The following GNAZ variants were observed in gnomAD, a reference collection of about 807,000 sequenced individuals.
GNAZ encodes guanine nucleotide-binding protein G(z) subunit alpha.
A neutral mutation model predicts 25.4 loss-of-function variants in GNAZ; 3 were observed. The observed-to-expected ratio is 0.12, with a 90% confidence interval of 0.05 to 0.30. The LOEUF is 0.30. Ranked by LOEUF, GNAZ falls within the 10% of genes least tolerant of loss-of-function variation. The pLI, the probability that GNAZ is intolerant of heterozygous loss-of-function variation, is 1.00. For missense variants in GNAZ, 241 were observed against 501.8 expected (o/e 0.48, Z 4.97); for synonymous variants, 211 against 205.7 (o/e 1.03, Z -0.22).
intron 1 of GNAZ, among the ~76,000 whole-genome samples, chr22:23,070,983 C>G (rs1347956709): frequency 1.3e-5 from 2 of 152,028 alleles, no homozygotes; most frequent in African/African-American, 4.8e-5. Flanking sequence ...GGGGGAGGAT[C>G]AGGGAGGGGC....
intron 2 of GNAZ, 81 bp from the exon 3 acceptor site, chr22:23,123,006 T>C: frequency 1.1e-6 from 1 of 920,660 alleles, no homozygotes; most frequent in Non-Finnish European, 1.7e-6. Flanking sequence ...TAGCAAAGGC[T>C]TCCTCTGGCA....
Position 23,095,633 on chromosome 22 carries a change from C to G in GNAZ, c.-63C>G. The G allele has an allele frequency of 6.5e-7, 1 of 1,534,568 alleles. No homozygotes were observed. The highest frequency in any genetic ancestry group is 1.3e-5 in the South Asian group (1 of 76,734). ...CTTGTCTGCCTGGTCTCAGTGTCCC[C>G]TGTGGCAAGAGGGAGAGGTGCCCCA... On this transcript the variant is annotated 5_prime_UTR_variant, in exon 2 of 3. Coordinates refer to ENST00000615612, the MANE Select transcript of GNAZ (RefSeq NM_002073.4).
At chr22:23,087,859 T>C (rs1347083811) in intron 1 of GNAZ, among the ~76,000 whole-genome samples, 1 of 152,200 alleles carries the variant, frequency 6.6e-6, no homozygotes, top group East Asian at 1.9e-4. Context: ...CAAGCACTGA[T>C]CTCAAGAGCA....
chr22:23,085,786 AG>A (rs1015593744), intron 1 of GNAZ, among the ~76,000 whole-genome samples: 1 of 152,214 alleles, frequency 6.6e-6, no homozygotes, highest in African/African-American at 2.4e-5. Context: ...GGGACAGAGC[AG>A]GGGGCTGCAA....
chr22:23,085,932 G>A (rs1248778478), intron 1 of GNAZ, among the ~76,000 whole-genome samples: 1 of 152,228 alleles, frequency 6.6e-6, no homozygotes, highest in Admixed American at 6.5e-5. Context: ...TGGTGCCAAC[G>A]TGGCTCTCAC....
intron 2 of GNAZ, among the ~76,000 whole-genome samples, chr22:23,097,742 G>A: frequency 6.6e-6 from 1 of 152,280 alleles, no homozygotes; most frequent in East Asian, 1.9e-4. Flanking sequence ...AGGCTCCCTT[G>A]ATGAGGCATG....
chr22:23,075,341 C>T (rs1280070665), intron 1 of GNAZ, among the ~76,000 whole-genome samples: 1 of 152,218 alleles, frequency 6.6e-6, no homozygotes, highest in South Asian at 2.1e-4. Context: ...AGGCAATTGC[C>T]TGCTGCAATT....
chr22:23,091,186 A>G (rs961981975), intron 1 of GNAZ, among the ~76,000 whole-genome samples: 2 of 152,228 alleles, frequency 1.3e-5, no homozygotes, highest in African/African-American at 4.8e-5. Flanking sequence ...ACCTGCTCAC[A>G]GACATGTACA....
chr22:23,106,816 C>A (rs375200948), intron 2 of GNAZ, among the ~76,000 whole-genome samples: 1 of 152,258 alleles, frequency 6.6e-6, no homozygotes, highest in Admixed American at 6.5e-5. Context: ...GAAAAGTTGT[C>A]CCTGTGGCAA....
At chr22:23,116,382 G>A (rs987025069) in intron 2 of GNAZ, among the ~76,000 whole-genome samples, 3 of 152,384 alleles carry the variant, frequency 2.0e-5, no homozygotes, top group Non-Finnish European at 4.4e-5. Context: ...ACGTGGCTAC[G>A]CGCCTGTGAC....
intron 1 of GNAZ, among the ~76,000 whole-genome samples, chr22:23,087,931 T>G (rs2146292709): frequency 6.6e-6 from 1 of 152,334 alleles, no homozygotes; most frequent in East Asian, 1.9e-4. Context: ...TAATTTCTAA[T>G]CTTGTGGCTA....
intron 1 of GNAZ, among the ~76,000 whole-genome samples, chr22:23,079,961 A>G (rs1412068495): frequency 6.6e-6 from 1 of 152,186 alleles, no homozygotes; most frequent in African/African-American, 2.4e-5. Flanking sequence ...CAGGGCCTCA[A>G]AGACCCAGAA....
intron 2 of GNAZ, among the ~76,000 whole-genome samples, chr22:23,107,049 C>A (rs537462587): frequency 1.4e-4 from 21 of 152,386 alleles, no homozygotes; most frequent in African/African-American, 4.1e-4. Flanking sequence ...AGGTTCAGAG[C>A]AAGGGCTTTT....
chr22:23,111,708 C>G (rs2069664871), intron 2 of GNAZ, among the ~76,000 whole-genome samples: 1 of 152,234 alleles, frequency 6.6e-6, no homozygotes, highest in Non-Finnish European at 1.5e-5. Flanking sequence ...TTTCAGAACA[C>G]AAGACAGCCA....
chr22:23,096,118 C>T lies in GNAZ; in HGVS notation c.423C>T (p.Phe141=). Residue 141 remains phenylalanine, a synonymous_variant, in exon 2 of 3, where the codon TTC becomes TTT. Coordinates refer to ENST00000615612, the MANE Select transcript of GNAZ (RefSeq NM_002073.4). The part of the protein sequence containing the change: ...LWADPGAQAC[F]SRSSEYHLED... ...CCGACCCAGGGGCACAGGCCTGCTTCAGCCGCTCCAGCGAGTACCACCTGG... is the reference window on the plus strand; with the variant it reads ...CCGACCCAGGGGCACAGGCCTGCTTTAGCCGCTCCAGCGAGTACCACCTGG... The T allele has an allele frequency of 3.7e-6, 6 of 1,611,720 alleles. No individual in the cohort carries two copies. The highest frequency in any genetic ancestry group is 3.4e-6 in the Non-Finnish European group (4 of 1,179,998).
rs147038488 is a variant in GNAZ at position 23,123,870 on chromosome 22, C to G, written c.*439C>G. The G allele has an allele frequency of 1.4e-5, 3 of 218,312 alleles. No individual in the cohort carries two copies. Among genetic ancestry groups the G allele is most frequent in the African/African-American group, 6.9e-5 (3 of 43,672 alleles). The allele number at this position is 218,312 out of a possible 1,614,324, so 13.5% of individuals were successfully genotyped here. A position where few individuals can be genotyped will look rare whatever the true frequency, so the allele number is the denominator to read the frequency against. ...CCTGGAGGAGGGCCAGCTCGCTGCC[C>G]GAGCTCTGGCCTAGGGACCTTGCCG... On this transcript the variant is annotated 3_prime_UTR_variant, in exon 3 of 3. Transcript: ENST00000615612.
In GNAZ at chr22:23,071,929, G is replaced by A. The variant is rs933852526; in HGVS notation, c.-450+1359G>A. Among the ~76,000 whole-genome samples, 2 of 152,198 alleles carry A rather than the reference G, an allele frequency of 1.3e-5. No homozygotes were observed. The highest frequency in any genetic ancestry group is 2.9e-5 in the Non-Finnish European group (2 of 68,018). The stretch of plus-strand genomic sequence containing the variant: ...GGAGGAGGTATGGCGGGAAAGGCCG[G>A]TGGGGGCTGCACGGGGCTGAGGGAG... On this transcript the variant is annotated intron_variant, in intron 1 of 2. Transcript: ENST00000615612. This position sits in a 1 kb window ranked among gnomAD's most constrained non-coding sequence, Gnocchi z 4.1.
chr22:23,095,324 C>G lies in GNAZ; in HGVS notation c.-372C>G, dbSNP rs1215863613. 1.1e-5 allele frequency: 3 copies of G among 261,598 alleles called. No individual in the cohort carries two copies. The highest frequency in any genetic ancestry group is 5.1e-5 in the Admixed American group (1 of 19,662). 16.2% of individuals were successfully genotyped at this position (261,598 alleles called of 1,614,324 possible). Reference sequence around the variant, plus strand: ...CACCAGCGACCGGCCCTCCAACCCTCCAGCCACTCAGCAACATCGCCACAG... The same window carrying G: ...CACCAGCGACCGGCCCTCCAACCCTGCAGCCACTCAGCAACATCGCCACAG... On this transcript the variant is annotated 5_prime_UTR_variant, in exon 2 of 3. Coordinates refer to ENST00000615612, the MANE Select transcript of GNAZ (RefSeq NM_002073.4).
intron 2 of GNAZ, among the ~76,000 whole-genome samples, chr22:23,115,754 C>T (rs572082517): frequency 1.3e-5 from 2 of 152,354 alleles, no homozygotes; most frequent in East Asian, 3.9e-4. Flanking sequence ...GCCATTTTGA[C>T]TGGGTCTTTT....
Sources: allele counts gnomAD v4.1 joint callset (sites outside exome capture counted in the v4.1 genomes callset), GRCh38; gene constraint gnomAD v4.1.1; non-coding constraint Gnocchi (gnomAD v3.1); transcripts MANE v1.5; gene names NCBI Gene and HGNC (gene_info 2026-07-23, HGNC 2026-07-21).